The following LARS2 variants were observed in gnomAD, a reference collection of about 807,000 sequenced individuals.
The protein encoded by LARS2 is leucyl-tRNA synthetase 2, mitochondrial.
A neutral mutation model predicts 116.6 loss-of-function variants in LARS2; 81 were observed. The observed-to-expected ratio is 0.69, with a 90% CI of 0.58 to 0.84. LARS2 has a LOEUF of 0.84. LARS2 is among the 40% of genes least tolerant of loss of function. LARS2 has a pLI of 0.00. For synonymous variants in LARS2, 396 were observed against 407.2 expected, an observed-to-expected ratio of 0.97 and a Z score of 0.33; for missense variants, 968 against 1,114.5, an observed-to-expected ratio of 0.87 and a Z score of 1.87.
Position 45,434,868 on chromosome 3 carries a change from C to A in LARS2, c.517-12023C>A, listed in dbSNP as rs142724919. Among the ~76,000 whole-genome samples the A allele has an allele frequency of 3.0e-4, 45 of 152,270 alleles. No individual in the cohort carries two copies. The East Asian group carries it at 6.6e-3, about 22-fold the overall frequency. ...CTGGAAGGATGGAAGTACAAGCTCC[C>A]CACTAGCCTTCCACCAGTATCACCC... On this transcript the variant is annotated intron_variant, in intron 6 of 21. Coordinates refer to ENST00000645846, the MANE Select transcript of LARS2 (RefSeq NM_015340.4).
At chr3:45,504,328 A>G (rs767042355) in intron 15 of LARS2, among the ~76,000 whole-genome samples, 7 of 152,102 alleles carry the variant, frequency 4.6e-5, no homozygotes, top group Non-Finnish European at 8.8e-5. Flanking sequence ...AAATGCAGAC[A>G]GAAACCCATT....
chr3:45,485,694 T>G lies in LARS2; in HGVS notation c.1021T>G (p.Cys341Gly). The G allele has an allele frequency of 1.3e-6, 2 of 1,582,652 alleles. No individual in the cohort carries two copies. The highest frequency in any genetic ancestry group is 1.7e-6 in the Non-Finnish European group (2 of 1,162,016). ...LRMALVPGKDCLTPVMAVNML... is the reference protein window; with the variant it reads ...LRMALVPGKDGLTPVMAVNML... ...CAGTTATTTGCTCTCATTTTCAGATTGCCTCACGCCTGTAATGGCTGTGAA... is the reference window on the plus strand; with the variant it reads ...CAGTTATTTGCTCTCATTTTCAGATGGCCTCACGCCTGTAATGGCTGTGAA... The change falls in exon 11 of 22, where the codon TGC becomes GGC. Residue 341 changes from cysteine (C) to glycine (G), a missense_variant and splice_region_variant. Transcript: ENST00000645846.
intron 14 of LARS2, among the ~76,000 whole-genome samples, chr3:45,499,565 T>C (rs1700083944): frequency 6.6e-6 from 1 of 152,110 alleles, no homozygotes; most frequent in South Asian, 2.1e-4. Flanking sequence ...GAGGCTGCAG[T>C]GAACTATGAT....
chr3:45,539,755 G>A (rs941874758), intron 20 of LARS2, among the ~76,000 whole-genome samples: 4 of 151,852 alleles, frequency 2.6e-5, no homozygotes, highest in Non-Finnish European at 4.4e-5. Flanking sequence ...CTTCCAATCT[G>A]TTCATATAAA....
Position 45,520,313 on chromosome 3 carries a change from C to T in LARS2, c.2292+17C>T. 1 of 1,601,172 alleles carries T rather than the reference C, an allele frequency of 6.2e-7. No individual in the cohort carries two copies. Among genetic ancestry groups the T allele is most frequent in the African/African-American group, 1.3e-5 (1 of 74,726 alleles). On this transcript the variant is annotated intron_variant, in intron 19 of 21. Coordinates refer to ENST00000645846, the MANE Select transcript of LARS2 (RefSeq NM_015340.4). ...GCCCTCTCGGTAAGTGGCCTGTCCT[C>T]ATTTGCTGGTAGCAGAGGAGGGAGG...
chr3:45,478,405 TA>T (rs2125721317), intron 10 of LARS2, among the ~76,000 whole-genome samples: 1 of 152,316 alleles, frequency 6.6e-6, no homozygotes, highest in African/African-American at 2.4e-5. Context: ...AAGGTACTAT[TA>T]ATAGGGGAGC....
At chr3:45,392,587 C>T (rs1697974494) in intron 2 of LARS2, among the ~76,000 whole-genome samples, 1 of 151,960 alleles carries the variant, frequency 6.6e-6, no homozygotes, top group Non-Finnish European at 1.5e-5. Flanking sequence ...GAACCATTGC[C>T]CGTGGCCTAA....
At chr3:45,540,441 T>C (rs1700773754) in intron 20 of LARS2, among the ~76,000 whole-genome samples, 1 of 152,162 alleles carries the variant, frequency 6.6e-6, no homozygotes, top group African/African-American at 2.4e-5. Flanking sequence ...ACTCCCTCTG[T>C]CACAAACTCA....
intron 11 of LARS2, among the ~76,000 whole-genome samples, chr3:45,487,459 G>A (rs558030601): frequency 1.4e-4 from 22 of 152,176 alleles, no homozygotes; most frequent in African/African-American, 5.1e-4. Flanking sequence ...GCATTGTTCC[G>A]AGATCTGACT....
chr3:45,408,992 C>T (rs151159476), intron 4 of LARS2, among the ~76,000 whole-genome samples: 46 of 152,266 alleles, frequency 3.0e-4, no homozygotes, highest in African/African-American at 1.1e-3. Context: ...TTCTGCCACC[C>T]TCTGTGATGT....
chr3:45,529,671 C>T (rs541536276), intron 20 of LARS2, among the ~76,000 whole-genome samples: 22 of 152,270 alleles, frequency 1.4e-4, no homozygotes, highest in South Asian at 6.2e-4. Context: ...TTTTGATGCA[C>T]ACTCTCAAAT....
intron 4 of LARS2, among the ~76,000 whole-genome samples, chr3:45,409,200 A>AT (rs1172498552): frequency 4.1e-5 from 4 of 97,234 alleles, no homozygotes; most frequent in African/African-American, 8.5e-5. Flanking sequence ...ATTTATTTTT[A>AT]TTTTTATTTT....
chr3:45,414,781 T>TA (rs946987380), intron 4 of LARS2, among the ~76,000 whole-genome samples: 13 of 151,326 alleles, frequency 8.6e-5, no homozygotes, highest in Non-Finnish European at 1.8e-4. Context: ...TGACAGCCCA[T>TA]GAACTTGATA....
intron 4 of LARS2, among the ~76,000 whole-genome samples, chr3:45,401,318 G>C (rs927083202): frequency 6.6e-6 from 1 of 151,846 alleles, no homozygotes. Flanking sequence ...CCTGAGCAAT[G>C]TAGCAAAACC....
intron 15 of LARS2, chr3:45,506,868 C>A (rs1700207586): frequency 6.6e-6 from 1 of 151,864 alleles, no homozygotes; most frequent in African/African-American, 2.4e-5. Flanking sequence ...TTTTTCATCA[C>A]CTGCACAGTT....
chr3:45,475,466 T>G (rs1208163550), intron 9 of LARS2, among the ~76,000 whole-genome samples: 2 of 152,250 alleles, frequency 1.3e-5, no homozygotes, highest in African/African-American at 4.8e-5. Flanking sequence ...GTGACTTGTG[T>G]TTAAATCTGC....
intron 4 of LARS2, among the ~76,000 whole-genome samples, chr3:45,401,063 G>A (rs1008877094): frequency 8.5e-5 from 13 of 152,204 alleles, no homozygotes; most frequent in Admixed American, 7.2e-4. Flanking sequence ...CGCCCACCTT[G>A]GCCTCCCAAA....
At chr3:45,444,834 T>C (rs1047365137) in intron 6 of LARS2, among the ~76,000 whole-genome samples, 4 of 150,966 alleles carry the variant, frequency 2.6e-5, no homozygotes, top group African/African-American at 9.7e-5. Flanking sequence ...ATATATATTA[T>C]GTGTTATATA....
chr3:45,530,216 A>G (rs942657690), intron 20 of LARS2, among the ~76,000 whole-genome samples: 18 of 152,312 alleles, frequency 1.2e-4, no homozygotes, highest in African/African-American at 4.1e-4. Flanking sequence ...TTTTTAACAT[A>G]TAAACTTTTA....
Sources: allele counts gnomAD v4.1 joint callset (sites outside exome capture counted in the v4.1 genomes callset), GRCh38; gene constraint gnomAD v4.1.1; transcripts MANE v1.5; gene names NCBI Gene and HGNC (gene_info 2026-07-23, HGNC 2026-07-21).